SLIT3: variants seen among roughly 807,000 people sequenced by gnomAD.
The protein encoded by SLIT3 is slit homolog 3 protein.
Under a neutral mutation model 184.0 loss-of-function variants are expected in SLIT3, and 68 were observed. The ratio of observed to expected loss-of-function variants is 0.37; its 90% confidence interval spans 0.30 to 0.45. The LOEUF (loss-of-function observed/expected upper bound fraction) is 0.45. Ranked by LOEUF, SLIT3 falls within the 20% of genes least tolerant of loss-of-function variation. The probability of loss-of-function intolerance (pLI) is 1.00; values close to 1 mark genes in which losing one functional copy is unlikely to be tolerated. For synonymous variants in SLIT3, 831 were observed against 828.6 expected, an observed-to-expected ratio of 1.00 and a Z score of -0.05; for missense variants, 1,707 against 2,026.0, an observed-to-expected ratio of 0.84 and a Z score of 3.02.
intron 4 of SLIT3, chr5:169,012,399 A>G (rs1393593843): frequency 1.3e-5 from 2 of 152,316 alleles, no homozygotes; most frequent in East Asian, 3.9e-4. Flanking sequence ...CAATCTTACA[A>G]GCCTGGCTCG....
intron 3 of SLIT3, among the ~76,000 whole-genome samples, chr5:169,231,336 C>T (rs1436187274): frequency 6.6e-6 from 1 of 152,212 alleles, no homozygotes; most frequent in Non-Finnish European, 1.5e-5. Context: ...TGATGACACG[C>T]CCCAGAAATC....
At chr5:168,768,852 C>T (rs1009094104) in intron 14 of SLIT3, among the ~76,000 whole-genome samples, 7 of 152,168 alleles carry the variant, frequency 4.6e-5, no homozygotes, top group Non-Finnish European at 8.8e-5. Context: ...CTGATAGACA[C>T]TCATCCCAGA....
chr5:169,046,007 T>C (rs925603035), intron 4 of SLIT3, among the ~76,000 whole-genome samples: 3 of 152,208 alleles, frequency 2.0e-5, no homozygotes, highest in African/African-American at 7.2e-5. Context: ...ATTGAATTAA[T>C]GATTGAATTT....
chr5:169,139,591 C>A (rs369228663), intron 4 of SLIT3, among the ~76,000 whole-genome samples: 1 of 152,214 alleles, frequency 6.6e-6, no homozygotes, highest in East Asian at 1.9e-4. Context: ...AGCCCACCCC[C>A]CCAGGGGCTC....
intron 4 of SLIT3, among the ~76,000 whole-genome samples, chr5:168,957,156 G>C (rs911908522): frequency 3.3e-5 from 5 of 151,112 alleles, no homozygotes; most frequent in African/African-American, 4.9e-5. Context: ...TGGAACCTGG[G>C]AGGCAGAGGT....
intron 4 of SLIT3, among the ~76,000 whole-genome samples, chr5:168,883,640 C>A (rs1760046166): frequency 1.3e-5 from 2 of 152,080 alleles, no homozygotes; most frequent in South Asian, 2.1e-4. Flanking sequence ...GCACCCAATT[C>A]TCTGTTTTCC....
intron 4 of SLIT3, among the ~76,000 whole-genome samples, chr5:169,183,894 T>C (rs1041973159): frequency 6.6e-6 from 1 of 152,186 alleles, no homozygotes; most frequent in Admixed American, 6.5e-5. Flanking sequence ...TCCAAAGCAT[T>C]GTAAAGTCAC....
rs1332571342 is a variant in SLIT3 at position 168,664,067 on chromosome 5, TTC to T, written c.*2385_*2386del. On this transcript the variant is annotated 3_prime_UTR_variant, in exon 36 of 36. Transcript: ENST00000519560. ...TTTACTCTTGGGCAAGTTCTTTAAC[TTC>T]TCTGTGTCTCAGTCTACTCAACTGT... 6.6e-6 allele frequency: 1 copy of T among 152,238 alleles called. No homozygotes were observed. The highest frequency in any genetic ancestry group is 2.4e-5 in the African/African-American group (1 of 41,456). The allele number at this position is 152,238 out of a possible 1,614,324, so 9.4% of individuals were successfully genotyped here.
chr5:169,080,030 A>G (rs1758961457), intron 4 of SLIT3, among the ~76,000 whole-genome samples: 1 of 151,908 alleles, frequency 6.6e-6, no homozygotes, highest in African/African-American at 2.4e-5. Flanking sequence ...GGGCTACTGC[A>G]ACGGGGGTTT....
At chr5:168,757,087 G>T (rs1281007070) in intron 16 of SLIT3, among the ~76,000 whole-genome samples, 1 of 152,148 alleles carries the variant, frequency 6.6e-6, no homozygotes, top group Admixed American at 6.5e-5. Flanking sequence ...GTGCAGCCTG[G>T]GGCAAACACT....
intron 4 of SLIT3, among the ~76,000 whole-genome samples, chr5:168,914,620 A>G (rs958681719): frequency 6.6e-6 from 1 of 152,170 alleles, no homozygotes; most frequent in Non-Finnish European, 1.5e-5. Flanking sequence ...CTATTCCACC[A>G]TCAGCCAGTC....
chr5:168,769,856 A>AC (rs1755482645), intron 14 of SLIT3, among the ~76,000 whole-genome samples: 1 of 152,152 alleles, frequency 6.6e-6, no homozygotes, highest in Admixed American at 6.5e-5. Context: ...TAAAAATAAT[A>AC]CTCAATACCT....
intron 23 of SLIT3, 27 bp from the exon 24 acceptor site, chr5:168,712,381 G>C (rs1762586188): frequency 1.1e-5 from 17 of 1,606,074 alleles, no homozygotes; most frequent in Non-Finnish European, 1.4e-5. Context: ...AGGTCGGAAG[G>C]TTAGCATCCA....
intron 3 of SLIT3, among the ~76,000 whole-genome samples, chr5:169,202,899 G>A (rs759827276): frequency 2.0e-5 from 3 of 150,490 alleles, no homozygotes; most frequent in Admixed American, 6.7e-5. Flanking sequence ...TTAGGGAAAT[G>A]TAGAGTACAT....
chr5:168,768,341 C>CTG (rs1755418944), intron 14 of SLIT3: 1 of 462,080 alleles, frequency 2.2e-6, no homozygotes, highest in African/African-American at 2.0e-5. Context: ...GGAGCAGGCC[C>CTG]CCACTGAGCG....
intron 1 of SLIT3, among the ~76,000 whole-genome samples, chr5:169,258,731 C>T (rs1194902757): frequency 6.6e-6 from 1 of 152,310 alleles, no homozygotes; most frequent in East Asian, 1.9e-4. Flanking sequence ...ACAAAAATGA[C>T]ATTTTCTAGG....
intron 8 of SLIT3, among the ~76,000 whole-genome samples, 198 bp downstream of exon 8, chr5:168,817,102 C>A (rs1045112320): frequency 6.6e-6 from 1 of 152,170 alleles, no homozygotes; most frequent in African/African-American, 2.4e-5. Flanking sequence ...TACCAGATGA[C>A]AAGAGTTTCT....
chr5:168,866,753 A>G (rs13189985), intron 5 of SLIT3, among the ~76,000 whole-genome samples: 17,584 of 152,268 alleles, frequency 0.12, 1,072 homozygotes, highest in East Asian at 0.22. Flanking sequence ...GAGTTTCTTC[A>G]TCTTTTAAAG....
intron 3 of SLIT3, among the ~76,000 whole-genome samples, chr5:169,222,552 C>A (rs1048158624): frequency 6.6e-6 from 1 of 152,014 alleles, no homozygotes; most frequent in African/African-American, 2.4e-5. Context: ...CTAATCTAAG[C>A]AAATTATTTC....
Sources: allele counts gnomAD v4.1 joint callset (sites outside exome capture counted in the v4.1 genomes callset), GRCh38; gene constraint gnomAD v4.1.1; transcripts MANE v1.5; gene names NCBI Gene and HGNC (gene_info 2026-07-23, HGNC 2026-07-21).